ATP9A: variants seen among roughly 807,000 people sequenced by gnomAD.
ATP9A encodes ATPase phospholipid transporting 9A, also known as probable phospholipid-transporting ATPase IIA.
A neutral mutation model predicts 144.1 loss-of-function variants in ATP9A; 52 were observed. That is an observed-to-expected ratio of 0.36 (90% CI 0.29 to 0.45). The LOEUF (loss-of-function observed/expected upper bound fraction) is 0.45, where lower values mean the gene tolerates loss of function less well. ATP9A is among the 20% of genes least tolerant of loss of function. The pLI, the probability that ATP9A is intolerant of heterozygous loss-of-function variation, is 1.00. For missense variants in ATP9A, 947 were observed against 1,392.7 expected, an observed-to-expected ratio of 0.68 and a Z score of 5.09; for synonymous variants, 582 against 557.4, an observed-to-expected ratio of 1.04 and a Z score of -0.62.
At chr20:51,755,816 G>A (rs1024762416) in intron 1 of ATP9A, among the ~76,000 whole-genome samples, 2 of 152,082 alleles carry the variant, frequency 1.3e-5, no homozygotes, top group African/African-American at 4.8e-5. Flanking sequence ...TTAGCCAGGC[G>A]TGGTGGTGGG....
At chr20:51,681,372 T>C (rs545633025) in intron 9 of ATP9A, among the ~76,000 whole-genome samples, 2 of 152,176 alleles carry the variant, frequency 1.3e-5, no homozygotes, top group East Asian at 1.9e-4. Flanking sequence ...TTTACTGATT[T>C]TGGAGGAAAT....
chr20:51,654,477 G>A (rs2077379337), intron 14 of ATP9A, among the ~76,000 whole-genome samples: 1 of 151,404 alleles, frequency 6.6e-6, no homozygotes, highest in Non-Finnish European at 1.5e-5. Flanking sequence ...AAAAAATTGG[G>A]ATTCCTCCCA....
At chr20:51,761,911 A>C (rs1248166532) in intron 1 of ATP9A, among the ~76,000 whole-genome samples, 1 of 152,136 alleles carries the variant, frequency 6.6e-6, no homozygotes, top group Non-Finnish European at 1.5e-5. Context: ...GCTCCAACCG[A>C]GTCCGTTTCC....
At chr20:51,675,670 C>T (rs781180246) in intron 10 of ATP9A, among the ~76,000 whole-genome samples, 2 of 151,978 alleles carry the variant, frequency 1.3e-5, no homozygotes, top group African/African-American at 2.4e-5. Context: ...ACTTGATGTC[C>T]GGAGCTTGAG....
intron 13 of ATP9A, among the ~76,000 whole-genome samples, chr20:51,668,605 G>A (rs368483559): frequency 5.3e-5 from 8 of 152,174 alleles, no homozygotes; most frequent in East Asian, 3.9e-4. Context: ...GAAAGGAAAC[G>A]GGGGCTGTGC....
At chr20:51,671,471 T>C (rs2077455740) in intron 11 of ATP9A, among the ~76,000 whole-genome samples, 1 of 152,190 alleles carries the variant, frequency 6.6e-6, no homozygotes, top group Non-Finnish European at 1.5e-5. Context: ...AAAGCTCATG[T>C]TATGGACTGA....
chr20:51,709,189 G>A (rs2077627129), intron 4 of ATP9A, among the ~76,000 whole-genome samples: 1 of 152,122 alleles, frequency 6.6e-6, no homozygotes, highest in African/African-American at 2.4e-5. Flanking sequence ...ATACCTATAT[G>A]TATATGGACA....
chr20:51,621,888 G>T (rs144315970), intron 19 of ATP9A, among the ~76,000 whole-genome samples, 186 bp downstream of exon 19: 13 of 152,212 alleles, frequency 8.5e-5, no homozygotes, highest in African/African-American at 2.9e-4. Context: ...ACCACTACTG[G>T]AAGAAACTCT....
At chr20:51,632,549 C>G (rs1330704987) in intron 15 of ATP9A, among the ~76,000 whole-genome samples, 1 of 152,158 alleles carries the variant, frequency 6.6e-6, no homozygotes, top group Non-Finnish European at 1.5e-5. Flanking sequence ...TGCTCTCCAC[C>G]TATGACATGC....
intron 9 of ATP9A, among the ~76,000 whole-genome samples, chr20:51,677,135 T>C (rs562335428): frequency 6.6e-6 from 1 of 150,578 alleles, no homozygotes; most frequent in African/African-American, 2.4e-5. Context: ...GGTCTCACTA[T>C]GTTGCCCAGG....
chr20:51,709,211 A>G (rs1439883254), intron 4 of ATP9A, among the ~76,000 whole-genome samples: 2 of 152,154 alleles, frequency 1.3e-5, no homozygotes, highest in African/African-American at 4.8e-5. Flanking sequence ...TGGGGGAAAC[A>G]AAAGTATTAA....
At chr20:51,685,032 A>T (rs1196379254) in intron 9 of ATP9A, among the ~76,000 whole-genome samples, 5 of 152,024 alleles carry the variant, frequency 3.3e-5, no homozygotes, top group African/African-American at 9.6e-5. Context: ...AAAAAAAAAA[A>T]AAAAAAAATA....
intron 1 of ATP9A, among the ~76,000 whole-genome samples, chr20:51,755,237 A>T (rs1031980064): frequency 5.9e-5 from 9 of 151,814 alleles, no homozygotes; most frequent in Admixed American, 3.9e-4. Flanking sequence ...GGAGTTCGAG[A>T]CCAGCCTGAC....
At chr20:51,646,010 A>T (rs936385395) in intron 14 of ATP9A, among the ~76,000 whole-genome samples, 2 of 152,226 alleles carry the variant, frequency 1.3e-5, no homozygotes, top group Non-Finnish European at 2.9e-5. Flanking sequence ...GAACAGATAC[A>T]TTAGACGCGA....
chr20:51,765,811 G>C (rs886793657), intron 1 of ATP9A, among the ~76,000 whole-genome samples: 2 of 151,972 alleles, frequency 1.3e-5, no homozygotes, highest in African/African-American at 4.8e-5. Flanking sequence ...ACAAAGATTA[G>C]CCGGGAGTGG....
intron 8 of ATP9A, among the ~76,000 whole-genome samples, chr20:51,690,419 CAAAAAA>C (rs1029011009): frequency 2.0e-5 from 3 of 149,340 alleles, no homozygotes; most frequent in African/African-American, 7.4e-5. Context: ...GACTCCATCT[CAAAAAA>C]AAACAAGAGG....
chr20:51,706,096 G>C (rs1327810224), intron 4 of ATP9A, among the ~76,000 whole-genome samples: 1 of 152,200 alleles, frequency 6.6e-6, no homozygotes, highest in Non-Finnish European at 1.5e-5. Context: ...CAATGAGGAG[G>C]CTAGATTGAT....
Position 51,601,040 on chromosome 20 carries a change from C to A in ATP9A, c.*171G>T. On this transcript the variant is annotated 3_prime_UTR_variant, in exon 28 of 28. Transcript: ENST00000338821. ...ATGGGTCTCTTTCAGGACCCTCCCT[C>A]CCGTTGATGCAGCGTTAGGACTCCG... The A allele has an allele frequency of 1.4e-6, 1 of 727,764 alleles. No individual in the cohort carries two copies. Among genetic ancestry groups the A allele is most frequent in the Non-Finnish European group, 2.0e-6 (1 of 490,816 alleles). 45.1% of individuals were successfully genotyped at this position (727,764 alleles called of 1,614,324 possible). A position where few individuals can be genotyped will look rare whatever the true frequency, so the allele number is the denominator to read the frequency against.
In ATP9A at chr20:51,668,187, A is replaced by AG. The variant is rs1405202825; in HGVS notation, c.1293+1809_1293+1810insC. On this transcript the variant is annotated intron_variant, in intron 13 of 27. Coordinates refer to ENST00000338821, the MANE Select transcript of ATP9A (RefSeq NM_006045.3). ...GAAGAAAGGGAGAAGGAAAAAAAAA[A>AG]AAAAGGCCGAAGGGGTGATCTAGTG... 9.1e-4 allele frequency among the ~76,000 whole-genome samples: 103 copies of AG among 113,068 alleles called. 3 individuals are homozygous for AG. Among genetic ancestry groups the AG allele is most frequent in the Non-Finnish European group, 1.6e-3 (78 of 49,626 alleles). 74.2% of individuals were successfully genotyped at this position (113,068 alleles called of 152,430 possible). A position where few individuals can be genotyped will look rare whatever the true frequency, so the allele number is the denominator to read the frequency against.
Sources: gnomAD v4.1 joint callset for allele counts (sites outside exome capture counted in the v4.1 genomes callset) on GRCh38, gnomAD v4.1.1 for gene constraint, MANE v1.5 for transcripts, NCBI Gene and HGNC (gene_info 2026-07-23, HGNC 2026-07-21) for gene names.